Variants in VAV2 observed in about 807,000 individuals in gnomAD.
VAV2 encodes vav guanine nucleotide exchange factor 2.
Under a neutral mutation model 132.5 loss-of-function variants are expected in VAV2, and 67 were observed. The observed-to-expected ratio is 0.51, with a 90% CI of 0.42 to 0.62. The LOEUF (loss-of-function observed/expected upper bound fraction) is 0.62. VAV2 is among the 20% of genes least tolerant of loss of function. The pLI is 0.00. For synonymous variants in VAV2, 492 were observed against 443.5 expected (o/e 1.11, Z -1.37); for missense variants, 938 against 1,153.6 (o/e 0.81, Z 2.71).
At chr9:133,983,012 A>G (rs1335182468) in intron 1 of VAV2, among the ~76,000 whole-genome samples, 1 of 152,168 alleles carries the variant, frequency 6.6e-6, no homozygotes, top group African/African-American at 2.4e-5. Flanking sequence ...ATCTGCCGCC[A>G]CCTGCTCTAG....
chr9:133,865,259 T>C (rs1837754583), intron 2 of VAV2, among the ~76,000 whole-genome samples: 1 of 152,252 alleles, frequency 6.6e-6, no homozygotes, highest in African/African-American at 2.4e-5. Flanking sequence ...GGATTCACTG[T>C]AGGACAATCA....
chr9:133,858,548 T>A (rs966199315), intron 3 of VAV2, among the ~76,000 whole-genome samples: 1 of 152,126 alleles, frequency 6.6e-6, no homozygotes, highest in Non-Finnish European at 1.5e-5. Flanking sequence ...TGGCTTCTCC[T>A]GGTGAATCTG....
At chr9:133,933,981 T>G (rs2519099) in intron 2 of VAV2, among the ~76,000 whole-genome samples, 1 of 140,408 alleles carries the variant, frequency 7.1e-6, no homozygotes, top group Admixed American at 6.9e-5. Flanking sequence ...GATGGAAGGA[T>G]GGGTGAATGG....
In VAV2 at chr9:133,939,161, A is replaced by T; in HGVS notation, c.263T>A (p.Leu88Ter). The T allele has an allele frequency of 6.2e-7, 1 of 1,614,248 alleles. No homozygotes were observed. The highest frequency in any genetic ancestry group is 8.5e-7 in the Non-Finnish European group (1 of 1,180,046). Residue 88 changes from leucine to a stop codon, truncating the protein, a stop_gained, in exon 2 of 30, where the codon TTA becomes TAA. Transcript: ENST00000371850. LOFTEE classifies it high-confidence loss of function. ...GGGGTCAAACAGCTCGCTGTTCCTT[A>T]ATCCAAATTTATCGTGGCAGACTTT... is the stretch of plus-strand genomic sequence containing the variant. ...FLKVCHDKFG[L>*]RNSELFDPFD...
chr9:133,848,693 G>A (rs1397659287), intron 3 of VAV2, among the ~76,000 whole-genome samples: 3 of 152,140 alleles, frequency 2.0e-5, no homozygotes, highest in South Asian at 2.1e-4. Context: ...ACGTGGAGCC[G>A]GGCATCTTTG....
intron 3 of VAV2, among the ~76,000 whole-genome samples, chr9:133,845,789 G>C (rs1365014949): frequency 6.6e-6 from 1 of 152,240 alleles, no homozygotes; most frequent in Non-Finnish European, 1.5e-5. Context: ...GGTGGCTGAT[G>C]GATTTATCAG....
At chr9:133,770,351 G>T in intron 27 of VAV2, 27 bp downstream of exon 27, 1 of 1,613,164 alleles carries the variant, frequency 6.2e-7, no homozygotes, top group East Asian at 2.2e-5. Flanking sequence ...GAGGAGTGCT[G>T]GTGTGCCGGC....
intron 2 of VAV2, among the ~76,000 whole-genome samples, chr9:133,868,410 C>A (rs968438384): frequency 6.6e-6 from 1 of 152,220 alleles, no homozygotes; most frequent in East Asian, 1.9e-4. Context: ...TCCCGGGCAC[C>A]GTGCTGAGGC....
chr9:133,775,938 C>T lies in VAV2; in HGVS notation c.2018+90G>A, dbSNP rs76493275. The stretch of plus-strand genomic sequence containing the variant: ...GCCTGGGGCCTCCACCCTGCTGGGC[C>T]GCTCACAGGCACCACCCAGACCCGG... On this transcript the variant is annotated intron_variant, in intron 24 of 29. Coordinates refer to ENST00000371850, the MANE Select transcript of VAV2 (RefSeq NM_001134398.2). 2,062 of 1,481,980 alleles carry T rather than the reference C, an allele frequency of 1.4e-3. 22 individuals are homozygous for T. The African/African-American group carries it at 0.022, about 16-fold the overall frequency. 91.8% of individuals were successfully genotyped at this position (1,481,980 alleles called of 1,614,324 possible).
chr9:133,936,447 T>C (rs1840912828), intron 2 of VAV2, among the ~76,000 whole-genome samples: 1 of 152,080 alleles, frequency 6.6e-6, no homozygotes, highest in African/African-American at 2.4e-5. Flanking sequence ...TTCACCGTGT[T>C]GCCCAGACTG....
In VAV2 at chr9:133,788,131, G is replaced by A. The variant is rs996722941; in HGVS notation, c.1407+223C>T. ...GGTCTTGCCCACCTTTCTGGGGGGC[G>A]CTGGGCCCGGCGAGGAGCAGGCCTG... On this transcript the variant is annotated intron_variant, in intron 15 of 29. Coordinates refer to ENST00000371850, the MANE Select transcript of VAV2 (RefSeq NM_001134398.2). This position sits in a 1 kb window ranked among gnomAD's most constrained non-coding sequence, Gnocchi z 5.3. 4.6e-5 allele frequency among the ~76,000 whole-genome samples: 7 copies of A among 152,200 alleles called. No homozygotes were observed. The highest frequency in any genetic ancestry group is 2.1e-4 in the South Asian group (1 of 4,834).
At chr9:133,954,184 GT>G (rs973930672) in intron 1 of VAV2, among the ~76,000 whole-genome samples, 3 of 152,204 alleles carry the variant, frequency 2.0e-5, no homozygotes, top group Admixed American at 6.5e-5. Context: ...AGAGTCAATT[GT>G]GATGTTCTGT....
chr9:133,785,396 C>A (rs1440928706), intron 17 of VAV2, among the ~76,000 whole-genome samples: 1 of 152,210 alleles, frequency 6.6e-6, no homozygotes, highest in Non-Finnish European at 1.5e-5. Flanking sequence ...AAGCCGCCAG[C>A]CCGTAAGACC....
chr9:133,946,777 CT>C (rs1337924119), intron 1 of VAV2, among the ~76,000 whole-genome samples: 1 of 152,210 alleles, frequency 6.6e-6, no homozygotes, highest in Admixed American at 6.5e-5. Flanking sequence ...CCAAAAACCA[CT>C]TAAAATAGCT....
intron 9 of VAV2, 52 bp from the exon 10 acceptor site, chr9:133,797,861 G>A (rs760996368): frequency 8.6e-5 from 134 of 1,558,368 alleles, no homozygotes; most frequent in Middle Eastern, 1.7e-4. Flanking sequence ...TGAGCAGCTC[G>A]GGGCTGCAGT....
Position 133,775,002 on chromosome 9 carries a change from G to T in VAV2, c.2068C>A (p.His690Asn). 1 of 1,613,556 alleles carries T rather than the reference G, an allele frequency of 6.2e-7. No homozygotes were observed. Among genetic ancestry groups the T allele is most frequent in the Non-Finnish European group, 8.5e-7 (1 of 1,179,902 alleles). ...RQQTDNLLKS[H>N]ASGTYLIRER... ...CTGATCAGGTAGGTCCCGCTGGCGT[G>T]GGACTTGAGCAGGTTGTCCGTCTGC... is the stretch of plus-strand genomic sequence containing the variant. Residue 690 changes from histidine (H) to asparagine (N), a missense_variant, in exon 25 of 30, where the codon CAC becomes AAC. His to Asn is a moderately conservative substitution (Grantham distance 68). Transcript: ENST00000371850.
intron 2 of VAV2, among the ~76,000 whole-genome samples, chr9:133,876,671 C>T (rs868824520): frequency 3.3e-5 from 5 of 152,106 alleles, no homozygotes; most frequent in Admixed American, 6.5e-5. Flanking sequence ...AAGGCAGGAC[C>T]GCGGGAGGGG....
chr9:133,869,682 G>A (rs751199721), intron 2 of VAV2, among the ~76,000 whole-genome samples: 4 of 152,126 alleles, frequency 2.6e-5, no homozygotes, highest in African/African-American at 7.2e-5. Context: ...GCCATCCGCC[G>A]ACCCAGCCTG....
intron 1 of VAV2, among the ~76,000 whole-genome samples, chr9:133,986,476 G>A (rs1361434515): frequency 6.6e-6 from 1 of 152,194 alleles, no homozygotes; most frequent in African/African-American, 2.4e-5. Context: ...GTGGAGAAGT[G>A]GACGGGTCAC....
Sources: allele counts gnomAD v4.1 joint callset (sites outside exome capture counted in the v4.1 genomes callset), GRCh38; gene constraint gnomAD v4.1.1; non-coding constraint Gnocchi (gnomAD v3.1); transcripts MANE v1.5; gene names NCBI Gene and HGNC (gene_info 2026-07-23, HGNC 2026-07-21).